The following LRFN5 variants were observed in gnomAD, a reference collection of about 807,000 sequenced individuals.
LRFN5 encodes the protein leucine-rich repeat and fibronectin type-III domain-containing protein 5.
Under a neutral mutation model 45.6 loss-of-function variants are expected in LRFN5, and 24 were observed. That is an observed-to-expected ratio of 0.53 (90% CI 0.38 to 0.74). The LOEUF is 0.74. Among genes scored for constraint, LRFN5 ranks in the 30% least tolerant of loss-of-function variants. The pLI is 0.00. For synonymous variants in LRFN5, 340 were observed against 313.8 expected, an observed-to-expected ratio of 1.08 and a Z score of -0.88; for missense variants, 776 against 861.5, an observed-to-expected ratio of 0.90 and a Z score of 1.24.
At chr14:41,648,815 A>G (rs950950657) in intron 1 of LRFN5, among the ~76,000 whole-genome samples, 13 of 152,042 alleles carry the variant, frequency 8.6e-5, no homozygotes, top group Admixed American at 5.9e-4. Flanking sequence ...ATTTTATTTG[A>G]AGGACAAACC....
chr14:41,627,194 G>A (rs1214437004), intron 1 of LRFN5, among the ~76,000 whole-genome samples: 4 of 151,620 alleles, frequency 2.6e-5, no homozygotes, highest in Non-Finnish European at 4.4e-5. Flanking sequence ...GTACAATTTA[G>A]TGGTTTTTAT....
intron 2 of LRFN5, among the ~76,000 whole-genome samples, chr14:41,771,979 T>A (rs1043723055): frequency 1.3e-5 from 2 of 152,174 alleles, no homozygotes; most frequent in African/African-American, 4.8e-5. Context: ...AAAGGATTAA[T>A]TGGCTCATTA....
chr14:41,635,207 C>A (rs1301686625), intron 1 of LRFN5, among the ~76,000 whole-genome samples: 1 of 152,048 alleles, frequency 6.6e-6, no homozygotes, highest in Non-Finnish European at 1.5e-5. Flanking sequence ...TGTTAAGAAA[C>A]CATGCTGAAT....
At chr14:41,663,544 A>T (rs1239734783) in intron 1 of LRFN5, among the ~76,000 whole-genome samples, 2 of 151,912 alleles carry the variant, frequency 1.3e-5, no homozygotes, top group Non-Finnish European at 2.9e-5. Flanking sequence ...TTTAGTTATT[A>T]GAAAAAAATA....
At chr14:41,841,988 G>T (rs982175419) in intron 2 of LRFN5, among the ~76,000 whole-genome samples, 1 of 151,706 alleles carries the variant, frequency 6.6e-6, no homozygotes, top group Non-Finnish European at 1.5e-5. Flanking sequence ...TTTATATGTG[G>T]ATGGTGGAAA....
intron 2 of LRFN5, among the ~76,000 whole-genome samples, chr14:41,788,805 A>G (rs1444639101): frequency 1.3e-5 from 2 of 152,058 alleles, no homozygotes; most frequent in Non-Finnish European, 2.9e-5. Context: ...GTAAGCTGCA[A>G]TTCAAGTACA....
Position 41,891,794 on chromosome 14 carries a change from AAAAG to A in LRFN5, c.1936_1939del (p.Lys646LeufsTer32), listed in dbSNP as rs1890794179. 1 of 1,614,082 alleles carries A rather than the reference AAAAG, an allele frequency of 6.2e-7. No homozygotes were observed. The highest frequency in any genetic ancestry group is 1.7e-5 in the Admixed American group (1 of 59,994). On this transcript the variant is annotated frameshift_variant, in exon 4 of 6. Coordinates refer to ENST00000298119, the MANE Select transcript of LRFN5 (RefSeq NM_152447.5). LOFTEE classifies it high-confidence loss of function. The stretch of plus-strand genomic sequence containing the variant: ...AAGCACTTCTGTGTCCCAAAAGCAG[AAAAG>A]AAAGACTGGCACAAAGCCAAGTACA...
At chr14:41,743,965 T>C (rs1283713470) in intron 1 of LRFN5, among the ~76,000 whole-genome samples, 1 of 152,178 alleles carries the variant, frequency 6.6e-6, no homozygotes, top group African/African-American at 2.4e-5. Flanking sequence ...TTATTGAAGT[T>C]AAGCTGGAAT....
At chr14:41,674,205 A>AC (rs1315536562) in intron 1 of LRFN5, among the ~76,000 whole-genome samples, 11 of 107,216 alleles carry the variant, frequency 1.0e-4, no homozygotes, top group Admixed American at 7.3e-4. Context: ...CGGGGGGCTG[A>AC]CCCCCCCACC....
At chr14:41,865,271 T>C (rs916474339) in intron 2 of LRFN5, among the ~76,000 whole-genome samples, 5 of 152,148 alleles carry the variant, frequency 3.3e-5, no homozygotes, top group African/African-American at 1.2e-4. Flanking sequence ...CACTCTACTT[T>C]CCATCTCTGA....
At chr14:41,633,885 A>T (rs949214121) in intron 1 of LRFN5, among the ~76,000 whole-genome samples, 14 of 152,140 alleles carry the variant, frequency 9.2e-5, no homozygotes, top group African/African-American at 3.1e-4. Context: ...TATGCTTTAT[A>T]GCAATCCAAA....
At chr14:41,806,971 A>G (rs1388706361) in intron 2 of LRFN5, among the ~76,000 whole-genome samples, 4 of 152,158 alleles carry the variant, frequency 2.6e-5, no homozygotes, top group Non-Finnish European at 5.9e-5. Flanking sequence ...CTGAACGCCT[A>G]TGTGCTACTC....
chr14:41,770,049 C>A (rs1164692805), intron 2 of LRFN5, among the ~76,000 whole-genome samples: 4 of 151,906 alleles, frequency 2.6e-5, no homozygotes, highest in Non-Finnish European at 5.9e-5. Context: ...AAAGGGGGAG[C>A]AGGCACATGA....
chr14:41,729,315 C>T (rs955015819), intron 1 of LRFN5, among the ~76,000 whole-genome samples: 2 of 152,054 alleles, frequency 1.3e-5, no homozygotes, highest in African/African-American at 4.8e-5. Context: ...CTCTCTTGCT[C>T]CCATTCTTGC....
At chr14:41,876,794 G>GCT (rs1890203943) in intron 2 of LRFN5, among the ~76,000 whole-genome samples, 1 of 152,000 alleles carries the variant, frequency 6.6e-6, no homozygotes, top group Non-Finnish European at 1.5e-5. Flanking sequence ...ATGCTCCTAT[G>GCT]CCTTGTGTTT....
At chr14:41,895,570 A>T (rs1364934663) in intron 4 of LRFN5, among the ~76,000 whole-genome samples, 1 of 152,134 alleles carries the variant, frequency 6.6e-6, no homozygotes, top group African/African-American at 2.4e-5. Flanking sequence ...GGTGGCAGTG[A>T]ACTGACATCC....
chr14:41,731,700 A>C (rs2138794730), intron 1 of LRFN5: 1 of 152,290 alleles, frequency 6.6e-6, no homozygotes, highest in South Asian at 2.1e-4. Context: ...ATCAGCCAGA[A>C]AAATATTTGA....
At chr14:41,635,226 T>C (rs1879245604) in intron 1 of LRFN5, among the ~76,000 whole-genome samples, 3 of 152,196 alleles carry the variant, frequency 2.0e-5, no homozygotes, top group South Asian at 2.1e-4. Context: ...ATTCTGACTA[T>C]TGACCTAGAT....
At chr14:41,658,560 CAT>C (rs1176708816) in intron 1 of LRFN5, among the ~76,000 whole-genome samples, 1 of 151,834 alleles carries the variant, frequency 6.6e-6, no homozygotes, top group Non-Finnish European at 1.5e-5. Flanking sequence ...CAAATTTTCT[CAT>C]ATGTAAATAA....
Sources: gnomAD v4.1 joint callset for allele counts (sites outside exome capture counted in the v4.1 genomes callset) on GRCh38, gnomAD v4.1.1 for gene constraint, MANE v1.5 for transcripts, NCBI Gene and HGNC (gene_info 2026-07-23, HGNC 2026-07-21) for gene names.